Variants in DENND5A observed in about 807,000 individuals in gnomAD.
DENND5A encodes the protein DENN domain-containing protein 5A.
Under a neutral mutation model 140.3 loss-of-function variants are expected in DENND5A, and 64 were observed. The observed-to-expected ratio is 0.46, with a 90% confidence interval of 0.37 to 0.56. The LOEUF is 0.56. Ranked by LOEUF, DENND5A falls within the 20% of genes least tolerant of loss-of-function variation. The pLI, the probability that DENND5A is intolerant of heterozygous loss-of-function variation, is 0.00. For missense variants in DENND5A, 1,292 were observed against 1,593.8 expected, an observed-to-expected ratio of 0.81 and a Z score of 3.22; for synonymous variants, 605 against 607.7, an observed-to-expected ratio of 1.00 and a Z score of 0.07.
chr11:9,159,367 C>T (rs568133165), intron 12 of DENND5A, among the ~76,000 whole-genome samples: 1 of 146,698 alleles, frequency 6.8e-6, no homozygotes, highest in Non-Finnish European at 1.5e-5. Context: ...GTTGCCTAGG[C>T]TGGAGTGCAA....
intron 16 of DENND5A, 94 bp from the exon 17 acceptor site, chr11:9,145,909 C>A: frequency 1.5e-6 from 2 of 1,340,922 alleles, no homozygotes; most frequent in South Asian, 1.3e-5. Flanking sequence ...GCTGGCACAA[C>A]TGTGGCTCCT....
intron 4 of DENND5A, among the ~76,000 whole-genome samples, chr11:9,197,530 G>T (rs1564910021): frequency 6.6e-6 from 1 of 150,844 alleles, no homozygotes; most frequent in South Asian, 2.1e-4. Context: ...TCCCATCTCT[G>T]CTAAAAATAC....
rs200062493 is a variant in DENND5A, at chr11:9,264,987, G to A, written c.83C>T (p.Thr28Ile). 2 of 1,588,462 alleles carry A rather than the reference G, an allele frequency of 1.3e-6. No individual in the cohort carries two copies. The highest frequency in any genetic ancestry group is 1.7e-5 in the Admixed American group (1 of 58,058). ...CGACAGCTCGTCCGGCTCCAGCCCG[G>A]TCTCCGTGTCCAGTCCGCAGATGAC... ...YFVICGLDTE[T>I]GLEPDELSAL... Residue 28 changes from threonine to isoleucine, a missense_variant, in exon 1 of 23, where the codon ACC becomes ATC. Coordinates refer to ENST00000328194, the MANE Select transcript of DENND5A (RefSeq NM_015213.4).
At chr11:9,231,998 C>A (rs764861367) in intron 1 of DENND5A, among the ~76,000 whole-genome samples, 22 of 151,822 alleles carry the variant, frequency 1.4e-4, no homozygotes, top group Non-Finnish European at 2.6e-4. Context: ...GTTTCTCTTT[C>A]ACTTGCAGAA....
intron 1 of DENND5A, among the ~76,000 whole-genome samples, chr11:9,246,000 CA>C (rs897409681): frequency 6.6e-6 from 1 of 152,092 alleles, no homozygotes; most frequent in Non-Finnish European, 1.5e-5. Flanking sequence ...GTTTTTCTAC[CA>C]AAGTTAAGAA....
At chr11:9,200,612 A>T (rs1282710913) in intron 4 of DENND5A, among the ~76,000 whole-genome samples, 2 of 152,222 alleles carry the variant, frequency 1.3e-5, no homozygotes, top group South Asian at 4.1e-4. Context: ...AACTGGAGCT[A>T]ATTAGCGGCT....
chr11:9,257,196 G>C (rs975508370), intron 1 of DENND5A, among the ~76,000 whole-genome samples: 49 of 151,974 alleles, frequency 3.2e-4, no homozygotes, highest in African/African-American at 1.1e-3. Flanking sequence ...TTTTAGTAGA[G>C]ACGGGGTTTC....
chr11:9,199,258 G>C (rs950426353), intron 4 of DENND5A, among the ~76,000 whole-genome samples: 1 of 151,942 alleles, frequency 6.6e-6, no homozygotes, highest in Non-Finnish European at 1.5e-5. Context: ...AGCACTTTGG[G>C]AGGCCAAGGA....
intron 1 of DENND5A, among the ~76,000 whole-genome samples, chr11:9,215,958 G>C (rs546225251): frequency 6.6e-6 from 1 of 152,310 alleles, no homozygotes; most frequent in South Asian, 2.1e-4. Flanking sequence ...TTCTCTAAAA[G>C]CTAGCCCCTC....
chr11:9,230,652 G>A (rs754503795), intron 1 of DENND5A, among the ~76,000 whole-genome samples: 2 of 152,050 alleles, frequency 1.3e-5, no homozygotes, highest in Non-Finnish European at 2.9e-5. Context: ...GAAACACTAA[G>A]GGCATCTTTT....
chr11:9,190,262 C>T (rs997960008), intron 5 of DENND5A, among the ~76,000 whole-genome samples: 1 of 151,986 alleles, frequency 6.6e-6, no homozygotes, highest in African/African-American at 2.4e-5. Context: ...TGTTGGGAGG[C>T]ATGATTGGTT....
chr11:9,217,131 A>G (rs1302058521), intron 1 of DENND5A, among the ~76,000 whole-genome samples: 2 of 152,252 alleles, frequency 1.3e-5, no homozygotes, highest in African/African-American at 2.4e-5. Context: ...GCCATAAAAA[A>G]GAATGGTGTA....
rs57703622 is a variant in DENND5A at position 9,174,102 on chromosome 11, CAAAAAAAAAAAAAAAAAAAA to C, written c.1907-3345_1907-3326del. Among the ~76,000 whole-genome samples, 7 of 42,150 alleles carry C rather than the reference CAAAAAAAAAAAAAAAAAAAA, an allele frequency of 1.7e-4. No homozygotes were observed. The East Asian group carries it at 6.2e-3, about 38-fold the overall frequency. 27.7% of individuals were successfully genotyped at this position (42,150 alleles called of 152,430 possible). ...TGGGCGATAGAGCAAGACTCCGTCT[CAAAAAAAAAAAAAAAAAAAA>C]AAAAAAAGAAAAAAAAATTGAAAAT... On this transcript the variant is annotated intron_variant, in intron 8 of 22. Transcript: ENST00000328194.
At chr11:9,262,927 G>C (rs1413066713) in intron 1 of DENND5A, among the ~76,000 whole-genome samples, 1 of 151,900 alleles carries the variant, frequency 6.6e-6, no homozygotes, top group African/African-American at 2.4e-5. Context: ...ATTTTTAGTA[G>C]AGACGGGGTT....
chr11:9,237,958 G>A (rs1851073478), intron 1 of DENND5A, among the ~76,000 whole-genome samples: 1 of 152,174 alleles, frequency 6.6e-6, no homozygotes, highest in African/African-American at 2.4e-5. Flanking sequence ...CCCTACAAGT[G>A]TGTAAAAATA....
chr11:9,225,482 C>T lies in DENND5A; in HGVS notation c.110-17850G>A, dbSNP rs141512373. Among the ~76,000 whole-genome samples the T allele has an allele frequency of 4.6e-3, 693 of 152,230 alleles. 2 individuals are homozygous for T. Among genetic ancestry groups the T allele is most frequent in the Non-Finnish European group, 8.1e-3 (549 of 68,020 alleles). ...GCTCTTAATAATAATAGTTTTGGGG[C>T]GGGCACGGTGGCTCACGCCTGTAAT... is the stretch of plus-strand genomic sequence containing the variant. On this transcript the variant is annotated intron_variant, in intron 1 of 22. Transcript: ENST00000328194.
At position 9,204,270 on chromosome 11, in the gene DENND5A, C is replaced by T. The variant is rs1454741991; in HGVS notation, c.339G>A (p.Arg113=). 3 of 1,613,726 alleles carry T rather than the reference C, an allele frequency of 1.9e-6. No homozygotes were observed. The highest frequency in any genetic ancestry group is 2.5e-6 in the Non-Finnish European group (3 of 1,180,026). Residue 113 remains arginine (R), a synonymous_variant, in exon 4 of 23, where the codon AGG becomes AGA. Transcript: ENST00000328194. ...TAATAAAGGCATGGAATTGGGGCTC[C>T]CTGGGATCAGCCTGGGTCTTGAATG... ...GLAFKTQADP[R]EPQFHAFIIT...
chr11:9,148,019 G>C (rs1270000767), intron 15 of DENND5A, among the ~76,000 whole-genome samples: 2 of 152,188 alleles, frequency 1.3e-5, no homozygotes, highest in Admixed American at 1.3e-4. Flanking sequence ...TATCAACCCA[G>C]GCCTGTTATG....
intron 12 of DENND5A, among the ~76,000 whole-genome samples, chr11:9,156,870 TGGAAGGAAGGAAGGAAGGAA>T (rs3074636): frequency 1.9e-4 from 27 of 142,540 alleles, no homozygotes; most frequent in African/African-American, 6.9e-4. Context: ...GAAGGATGGA[TGGAAGGAAGGAAGGAAGGAA>T]GGAAGGAAGG....
Sources: allele counts gnomAD v4.1 joint callset (sites outside exome capture counted in the v4.1 genomes callset), GRCh38; gene constraint gnomAD v4.1.1; transcripts MANE v1.5; gene names NCBI Gene and HGNC (gene_info 2026-07-23, HGNC 2026-07-21).